SDK1: variants seen among roughly 807,000 people sequenced by gnomAD.
The protein encoded by SDK1 is sidekick cell adhesion molecule 1.
Under a neutral mutation model 245.5 loss-of-function variants are expected in SDK1, and 157 were observed. The observed-to-expected ratio is 0.64, with a 90% confidence interval of 0.56 to 0.73. The LOEUF is 0.73. Ranked by LOEUF, SDK1 falls within the 30% of genes least tolerant of loss-of-function variation. The probability of loss-of-function intolerance (pLI) is 0.00; values close to 1 mark genes in which losing one functional copy is unlikely to be tolerated. For missense variants in SDK1, 3,583 were observed against 3,002.3 expected, an observed-to-expected ratio of 1.19 and a Z score of -4.52; for synonymous variants, 1,647 against 1,278.5, an observed-to-expected ratio of 1.29 and a Z score of -6.15.
chr7:3,370,517 G>A (rs567465221), intron 1 of SDK1, among the ~76,000 whole-genome samples: 3 of 152,300 alleles, frequency 2.0e-5, no homozygotes, highest in Non-Finnish European at 4.4e-5. Context: ...ACTTAAAAAG[G>A]AAACAGACTG....
chr7:3,309,418 G>GGT (rs886824871), intron 1 of SDK1, among the ~76,000 whole-genome samples: 5 of 150,416 alleles, frequency 3.3e-5, no homozygotes, highest in African/African-American at 4.9e-5. Context: ...AGTATGCTTA[G>GGT]GTAACATGTA....
At chr7:3,792,650 C>G (rs940398086) in intron 4 of SDK1, among the ~76,000 whole-genome samples, 1 of 151,642 alleles carries the variant, frequency 6.6e-6, no homozygotes, top group Admixed American at 6.6e-5. Context: ...ATCCACCTGT[C>G]CATCCATCCA....
chr7:3,680,067 C>T (rs58118877), intron 4 of SDK1, among the ~76,000 whole-genome samples: 49,721 of 151,980 alleles, frequency 0.33, 10,044 homozygotes, highest in Non-Finnish European at 0.45. Flanking sequence ...AGTAAACAAG[C>T]CGTGGTGCAT....
chr7:3,380,201 T>G (rs1781450747), intron 1 of SDK1, among the ~76,000 whole-genome samples: 1 of 152,224 alleles, frequency 6.6e-6, no homozygotes, highest in Admixed American at 6.5e-5. Context: ...AATGCAGAGT[T>G]TGTCACTAGG....
At chr7:3,526,832 G>C (rs774037047) in intron 1 of SDK1, among the ~76,000 whole-genome samples, 31 of 152,024 alleles carry the variant, frequency 2.0e-4, no homozygotes, top group Middle Eastern at 6.8e-3. Context: ...ATGCATTTTT[G>C]AATCTTATAT....
chr7:4,139,959 A>G (rs1779463258), intron 28 of SDK1, among the ~76,000 whole-genome samples: 1 of 151,846 alleles, frequency 6.6e-6, no homozygotes, highest in Non-Finnish European at 1.5e-5. Flanking sequence ...GAACAACAAG[A>G]CCCCACTGTT....
At chr7:3,872,101 A>G (rs1780970694) in intron 5 of SDK1, among the ~76,000 whole-genome samples, 1 of 152,152 alleles carries the variant, frequency 6.6e-6, no homozygotes, top group African/African-American at 2.4e-5. Flanking sequence ...AATTGCATAG[A>G]TTGGTGAACT....
In SDK1 at chr7:4,266,288, A is replaced by G. The variant is rs751230211; in HGVS notation, c.*904A>G. ...TTTTTATCTTTTTTTAAACTATGTC[A>G]CATGAAATGAATGCGTCTTTGCTGT... On this transcript the variant is annotated 3_prime_UTR_variant, in exon 45 of 45. Transcript: ENST00000404826. 8.1e-6 allele frequency: 8 copies of G among 985,298 alleles called. No individual in the cohort carries two copies. Among genetic ancestry groups the G allele is most frequent in the Non-Finnish European group, 9.6e-6 (8 of 829,902 alleles). The allele number at this position is 985,298 out of a possible 1,614,324, so 61.0% of individuals were successfully genotyped here. A position where few individuals can be genotyped will look rare whatever the true frequency, so the allele number is the denominator to read the frequency against.
At chr7:3,321,734 ATCCCC>A (rs1779810513) in intron 1 of SDK1, among the ~76,000 whole-genome samples, 1 of 19,460 alleles carries the variant, frequency 5.1e-5, no homozygotes, top group Non-Finnish European at 9.4e-5. Flanking sequence ...TCTCCCTCCC[ATCCCC>A]TCCCCCCTCC....
intron 4 of SDK1, among the ~76,000 whole-genome samples, chr7:3,689,990 G>C (rs534115433): frequency 2.0e-5 from 3 of 152,300 alleles, no homozygotes; most frequent in African/African-American, 4.8e-5. Context: ...TTGTATTTGA[G>C]TTGTTAAGCT....
chr7:3,809,680 A>G (rs1254468847), intron 4 of SDK1, among the ~76,000 whole-genome samples: 1 of 152,234 alleles, frequency 6.6e-6, no homozygotes, highest in Admixed American at 6.5e-5. Flanking sequence ...CTTTTAAAGA[A>G]GAGCCCTCTG....
At chr7:3,592,736 C>A (rs1168614039) in intron 1 of SDK1, among the ~76,000 whole-genome samples, 1 of 152,118 alleles carries the variant, frequency 6.6e-6, no homozygotes, top group African/African-American at 2.4e-5. Context: ...TAAATGTCAC[C>A]GCTTTATATA....
intron 1 of SDK1, among the ~76,000 whole-genome samples, chr7:3,447,760 A>C (rs546082976): frequency 7.1e-6 from 1 of 140,626 alleles, no homozygotes; most frequent in South Asian, 2.2e-4. Context: ...GCTGGAGTGC[A>C]ATGGCATGAT....
intron 1 of SDK1, among the ~76,000 whole-genome samples, chr7:3,471,845 T>C (rs1265595914): frequency 6.6e-6 from 1 of 152,232 alleles, no homozygotes; most frequent in Non-Finnish European, 1.5e-5. Context: ...TTTGGGACTT[T>C]ATCCATTGAA....
At chr7:4,197,053 A>G (rs941848537) in intron 35 of SDK1, among the ~76,000 whole-genome samples, 3 of 152,252 alleles carry the variant, frequency 2.0e-5, no homozygotes, top group African/African-American at 4.8e-5. Flanking sequence ...GTGGCCTCCA[A>G]CGATCTGCTG....
rs190821869 is a variant in SDK1 at position 3,634,065 on chromosome 7, C to T, written c.459-4939C>T. Reference sequence around the variant, plus strand: ...CAACCCCAGATTTAAAAATCCAGAGCAAATGTGTCTAATTGGCCATGCTGT... The same window carrying T: ...CAACCCCAGATTTAAAAATCCAGAGTAAATGTGTCTAATTGGCCATGCTGT... On this transcript the variant is annotated intron_variant, in intron 2 of 44. Coordinates refer to ENST00000404826, the MANE Select transcript of SDK1 (RefSeq NM_152744.4). Among the ~76,000 whole-genome samples, 579 of 152,224 alleles carry T rather than the reference C, an allele frequency of 3.8e-3. 6 individuals carry two copies. Among genetic ancestry groups the T allele is most frequent in the Non-Finnish European group, 4.3e-3 (293 of 68,008 alleles).
At chr7:3,457,417 C>T (rs2128593678) in intron 1 of SDK1, among the ~76,000 whole-genome samples, 1 of 152,246 alleles carries the variant, frequency 6.6e-6, no homozygotes, top group South Asian at 2.1e-4. Context: ...AGACACTATA[C>T]ACAATGTCTT....
chr7:4,101,265 C>T (rs1782520532), intron 22 of SDK1, among the ~76,000 whole-genome samples: 1 of 152,032 alleles, frequency 6.6e-6, no homozygotes. Flanking sequence ...CCTCAGCCTC[C>T]TGAATAGCTG....
At chr7:3,770,457 T>TA (rs1436538239) in intron 4 of SDK1, among the ~76,000 whole-genome samples, 1 of 152,188 alleles carries the variant, frequency 6.6e-6, no homozygotes, top group African/African-American at 2.4e-5. Context: ...TTATCTGAGA[T>TA]AAAAATCTCA....
Sources: allele counts gnomAD v4.1 joint callset (sites outside exome capture counted in the v4.1 genomes callset), GRCh38; gene constraint gnomAD v4.1.1; transcripts MANE v1.5; gene names NCBI Gene and HGNC (gene_info 2026-07-23, HGNC 2026-07-21).